The following PIK3R5 variants were observed in gnomAD, a reference collection of about 807,000 sequenced individuals.
PIK3R5 encodes the protein phosphoinositide-3-kinase regulatory subunit 5.
A neutral mutation model predicts 94.9 loss-of-function variants in PIK3R5; 32 were observed. That is an observed-to-expected ratio of 0.34 (90% CI 0.25 to 0.45). The LOEUF (loss-of-function observed/expected upper bound fraction) is 0.45. PIK3R5 is among the 20% of genes least tolerant of loss of function. PIK3R5 has a pLI of 1.00. For synonymous variants in PIK3R5, 443 were observed against 479.4 expected, an observed-to-expected ratio of 0.92 and a Z score of 0.99; for missense variants, 853 against 1,144.6, an observed-to-expected ratio of 0.75 and a Z score of 3.68.
At position 8,904,641 on chromosome 17, in the gene PIK3R5, T is replaced by A; in HGVS notation, c.412+136A>T. On this transcript the variant is annotated intron_variant, in intron 5 of 18. Transcript: ENST00000447110. This position sits in a 1 kb window ranked among gnomAD's most constrained non-coding sequence, Gnocchi z 5.1. ...GGTGCTGTGAAGAGGAGACTCCATG[T>A]TTGTGAACCAAGGCGTTGGCAGAGA... is the stretch of plus-strand genomic sequence containing the variant. 2.5e-6 allele frequency: 2 copies of A among 806,072 alleles called. No individual in the cohort carries two copies. The highest frequency in any genetic ancestry group is 5.0e-5 in the East Asian group (2 of 40,256). The allele number at this position is 806,072 out of a possible 1,614,324, so 49.9% of individuals were successfully genotyped here. A position where few individuals can be genotyped will look rare whatever the true frequency, so the allele number is the denominator to read the frequency against.
chr17:8,953,924 C>T (rs1218855182), intron 1 of PIK3R5, among the ~76,000 whole-genome samples: 4 of 152,114 alleles, frequency 2.6e-5, no homozygotes, highest in Non-Finnish European at 5.9e-5. Context: ...CTCCTCAGCC[C>T]ATTTCTCAGA....
chr17:8,949,039 G>A (rs2091328603), intron 1 of PIK3R5, among the ~76,000 whole-genome samples: 1 of 152,114 alleles, frequency 6.6e-6, no homozygotes, highest in Non-Finnish European at 1.5e-5. Flanking sequence ...GTGAGATTCA[G>A]GCATGAATCT....
At chr17:8,924,084 C>G (rs1597407269) in intron 1 of PIK3R5, among the ~76,000 whole-genome samples, 1 of 121,226 alleles carries the variant, frequency 8.2e-6, no homozygotes, top group Non-Finnish European at 1.7e-5. Context: ...CCCTTCCCTT[C>G]CCTTTCCTTT....
At chr17:8,958,760 C>T (rs1363500769) in intron 1 of PIK3R5, among the ~76,000 whole-genome samples, 14 of 144,050 alleles carry the variant, frequency 9.7e-5, no homozygotes, top group Admixed American at 2.1e-4. Flanking sequence ...TTCTCTCTCT[C>T]TTTTTTTTTT....
chr17:8,939,434 A>G (rs1742236176), intron 1 of PIK3R5, among the ~76,000 whole-genome samples: 1 of 152,240 alleles, frequency 6.6e-6, no homozygotes, highest in Admixed American at 6.5e-5. Flanking sequence ...CAATGGTCAA[A>G]CTATTTTTAA....
chr17:8,918,018 C>CCAGA (rs2090663669), intron 1 of PIK3R5, among the ~76,000 whole-genome samples: 1 of 152,030 alleles, frequency 6.6e-6, no homozygotes, highest in Non-Finnish European at 1.5e-5. Context: ...TGGAGTTGGA[C>CCAGA]CAGACTTGAA....
chr17:8,947,859 C>T (rs1179346204), intron 1 of PIK3R5, among the ~76,000 whole-genome samples: 6 of 151,766 alleles, frequency 4.0e-5, no homozygotes, highest in African/African-American at 1.5e-4. Context: ...CTGGCTAACA[C>T]GGTGAAATCC....
chr17:8,923,111 G>A (rs1320104953), intron 1 of PIK3R5, among the ~76,000 whole-genome samples: 1 of 152,068 alleles, frequency 6.6e-6, no homozygotes, highest in Non-Finnish European at 1.5e-5. Context: ...CCATGCTTAG[G>A]GCTTGAAGCA....
chr17:8,963,962 T>G (rs1427861948), intron 1 of PIK3R5, among the ~76,000 whole-genome samples: 1 of 152,024 alleles, frequency 6.6e-6, no homozygotes, highest in Non-Finnish European at 1.5e-5. Context: ...ACTGTCTTCT[T>G]TGTCTTCCAC....
chr17:8,938,941 T>C (rs1462653528), intron 1 of PIK3R5, among the ~76,000 whole-genome samples: 1 of 152,156 alleles, frequency 6.6e-6, no homozygotes, highest in Non-Finnish European at 1.5e-5. Flanking sequence ...TGAGGGACAG[T>C]AAGAAATGAA....
chr17:8,917,635 G>A (rs1258554814), intron 1 of PIK3R5, among the ~76,000 whole-genome samples: 4 of 152,224 alleles, frequency 2.6e-5, no homozygotes, highest in East Asian at 1.9e-4. Flanking sequence ...GGAGGCCAAC[G>A]CGGGTGGATC....
At chr17:8,959,112 G>A (rs576653426) in intron 1 of PIK3R5, among the ~76,000 whole-genome samples, 1 of 152,248 alleles carries the variant, frequency 6.6e-6, no homozygotes, top group Non-Finnish European at 1.5e-5. Flanking sequence ...AACTTGGTGA[G>A]AAATCCAACA....
chr17:8,915,749 G>C (rs1439753978), intron 1 of PIK3R5: 2 of 152,240 alleles, frequency 1.3e-5, no homozygotes, highest in African/African-American at 2.4e-5. Flanking sequence ...CTCATTACGT[G>C]TCCCACACTG....
In PIK3R5 at chr17:8,890,047, G is replaced by A; in HGVS notation, c.737C>T (p.Ala246Val). 2 of 1,614,024 alleles carry A rather than the reference G, an allele frequency of 1.2e-6. No individual in the cohort carries two copies. Among genetic ancestry groups the A allele is most frequent in the Non-Finnish European group, 1.7e-6 (2 of 1,179,980 alleles). The change falls in exon 8 of 19, where the codon GCT (alanine) becomes GTT (valine). Residue 246 changes from alanine to valine, a missense_variant. Physicochemically the swap from Ala to Val is moderately conservative, Grantham distance 64 (BLOSUM62 0). Transcript: ENST00000447110. The surrounding 1 kb of genome is among the most constrained non-coding windows in gnomAD (Gnocchi z 6.1). ...AQELASGIGD[A>V]AEARRWLRTK... is the part of the protein sequence containing the mutation. ...CCTGAGCCACCGCCGGGCCTCTGCA[G>A]CATCCCCGATGCCAGATGCCAGCTC...
At position 8,896,812 on chromosome 17, in the gene PIK3R5, G is replaced by A. The variant is rs61759640; in HGVS notation, c.413-3157C>T. Among the ~76,000 whole-genome samples the A allele has an allele frequency of 6.6e-6, 1 of 152,266 alleles. No individual in the cohort carries two copies. The highest frequency in any genetic ancestry group is 2.4e-5 in the African/African-American group (1 of 41,554). The stretch of plus-strand genomic sequence containing the variant: ...GGTACTTGAGCCTGGGGGAGGCAGG[G>A]AGCAACCACATCTGACTCAGTTTCC... On this transcript the variant is annotated intron_variant, in intron 5 of 18. Transcript: ENST00000447110. The surrounding 1 kb of genome is among the most constrained non-coding windows in gnomAD (Gnocchi z 4.0).
chr17:8,928,676 A>G (rs572581797), intron 1 of PIK3R5, among the ~76,000 whole-genome samples: 12 of 152,360 alleles, frequency 7.9e-5, no homozygotes, highest in Admixed American at 4.6e-4. Context: ...TCAGGAATGA[A>G]GAGGAAATCA....
Position 8,889,197 on chromosome 17 carries a change from G to A in PIK3R5, c.837C>T (p.His279=), listed in dbSNP as rs394811. 0.42 allele frequency: 670,594 copies of A among 1,611,776 alleles called. 144,278 individuals are homozygous for A. Among genetic ancestry groups the A allele is most frequent in the African/African-American group, 0.67 (50,163 of 74,918 alleles). The change falls in exon 9 of 19, where the codon CAC becomes CAT. Residue 279 remains histidine, a synonymous_variant. Coordinates refer to ENST00000447110, the MANE Select transcript of PIK3R5 (RefSeq NM_001142633.3). The surrounding 1 kb of genome is among the most constrained non-coding windows in gnomAD (Gnocchi z 4.1). ...VLDTAKPGKL[H]TIPIPVARCY... is the part of the protein sequence containing the mutation. ...ACCTGGCGACAGGGATGGGGATGGT[G>A]TGGAGCTTCCCTGGTTTTGCAGTGT... is the stretch of plus-strand genomic sequence containing the variant.
intron 1 of PIK3R5, among the ~76,000 whole-genome samples, chr17:8,912,919 T>C (rs775565322): frequency 1.3e-5 from 2 of 152,130 alleles, no homozygotes; most frequent in Non-Finnish European, 2.9e-5. Context: ...AGCCGGACAG[T>C]GCAGCAGTGG....
Position 8,882,083 on chromosome 17 carries a change from A to G in PIK3R5, c.2206-202T>C. 1 of 580,854 alleles carries G rather than the reference A, an allele frequency of 1.7e-6. No homozygotes were observed. The highest frequency in any genetic ancestry group is 3.1e-6 in the Non-Finnish European group (1 of 324,442). 36.0% of individuals were successfully genotyped at this position (580,854 alleles called of 1,614,324 possible). On this transcript the variant is annotated intron_variant, in intron 15 of 18. Transcript: ENST00000447110. This position sits in a 1 kb window ranked among gnomAD's most constrained non-coding sequence, Gnocchi z 4.1. Reference sequence around the variant, plus strand: ...AGAGCTCACGTCACTGGCTTGGTCTAGGGGTCAGCAGCCTCTGTGACCAGG... The same window carrying G: ...AGAGCTCACGTCACTGGCTTGGTCTGGGGGTCAGCAGCCTCTGTGACCAGG...
Sources: gnomAD v4.1 joint callset for allele counts (sites outside exome capture counted in the v4.1 genomes callset) on GRCh38, gnomAD v4.1.1 for gene constraint, Gnocchi (gnomAD v3.1) non-coding constraint, MANE v1.5 for transcripts, NCBI Gene and HGNC (gene_info 2026-07-23, HGNC 2026-07-21) for gene names.